The following DNA2 variants were observed in gnomAD, a reference collection of about 807,000 sequenced individuals.
The protein encoded by DNA2 is DNA replication helicase/nuclease 2.
In DNA2, 101 loss-of-function variants were observed where a neutral mutation model predicts 119.1. The ratio of observed to expected loss-of-function variants is 0.85; its 90% CI spans 0.72 to 1.00. The LOEUF is 1.00. Among genes scored for constraint, DNA2 ranks in the 50% least tolerant of loss-of-function variants. The pLI, the probability that DNA2 is intolerant of heterozygous loss-of-function variation, is 0.00. For missense variants in DNA2, 1,121 were observed against 1,255.5 expected, an observed-to-expected ratio of 0.89 and a Z score of 1.62; for synonymous variants, 366 against 424.4, an observed-to-expected ratio of 0.86 and a Z score of 1.69.
intron 3 of DNA2, among the ~76,000 whole-genome samples, chr10:68,467,876 G>A (rs1403164665): frequency 6.6e-6 from 1 of 151,944 alleles, no homozygotes; most frequent in Non-Finnish European, 1.5e-5. Flanking sequence ...ATTTTATTAA[G>A]CCCTGAACAA....
At chr10:68,421,824 T>TC (rs200750557) in intron 17 of DNA2, among the ~76,000 whole-genome samples, 10,572 of 145,604 alleles carry the variant, frequency 0.073, 542 homozygotes, top group African/African-American at 0.16. Flanking sequence ...GCCTTTTTTT[T>TC]TCCCCCCAAG....
intron 8 of DNA2, 102 bp downstream of exon 8, chr10:68,444,819 A>G: frequency 1.3e-6 from 1 of 750,840 alleles, no homozygotes; most frequent in Non-Finnish European, 2.1e-6. Flanking sequence ...AGGAAAAATA[A>G]CTAAAATGAT....
chr10:68,441,325 C>A (rs1408733711), intron 9 of DNA2, among the ~76,000 whole-genome samples: 2 of 138,666 alleles, frequency 1.4e-5, no homozygotes, highest in Non-Finnish European at 3.0e-5. Context: ...CAGAGTGTGA[C>A]CCTGTCTCTT....
In DNA2 at chr10:68,425,412, T is replaced by G. The variant is rs145036694; in HGVS notation, c.2209-2522A>C. 6.9e-3 allele frequency among the ~76,000 whole-genome samples: 1,037 copies of G among 150,976 alleles called. 15 individuals carry two copies. The highest frequency in any genetic ancestry group is 0.024 in the African/African-American group (986 of 41,158). On this transcript the variant is annotated intron_variant, in intron 14 of 20. Transcript: ENST00000358410. ...CCCGGCCATGTTTGTGTTCTTTTTT[T>G]TTTTTTGAGATGGAGTCTCGCTCTG...
chr10:68,470,064 T>G lies in DNA2; in HGVS notation c.174A>C (p.Lys58Asn). The G allele has an allele frequency of 6.2e-7, 1 of 1,613,926 alleles. No individual in the cohort carries two copies. Among genetic ancestry groups the G allele is most frequent in the Non-Finnish European group, 8.5e-7 (1 of 1,179,868 alleles). Residue 58 changes from lysine to asparagine, a missense_variant, in exon 2 of 21, where the codon AAA (lysine) becomes AAC (asparagine). Physicochemically the swap from Lys to Asn is moderately conservative, Grantham distance 94. Transcript: ENST00000358410. ...CCAGGCGCTTTTCACAGTTTCCCTC[T>G]TTGTTCTGTACAGTATTGACTGCCA... Reference protein sequence around the residue: ...LVLAVNTVQNKEGNCEKRLVI... With the variant: ...LVLAVNTVQNNEGNCEKRLVI...
At chr10:68,452,265 C>G (rs1045302750) in intron 5 of DNA2, among the ~76,000 whole-genome samples, 1 of 151,786 alleles carries the variant, frequency 6.6e-6, no homozygotes, top group Non-Finnish European at 1.5e-5. Flanking sequence ...TTCAAATTTG[C>G]AGAGACAGAG....
intron 10 of DNA2, 51 bp downstream of exon 10, chr10:68,436,960 G>A (rs2051896318): frequency 7.2e-7 from 1 of 1,385,980 alleles, no homozygotes; most frequent in Non-Finnish European, 1.0e-6. Flanking sequence ...CTACACAGAT[G>A]TGAATTATAT....
rs142183762 is a variant in DNA2, at chr10:68,456,775, T to C, written c.719+2329A>G. Among the ~76,000 whole-genome samples, 223 of 150,390 alleles carry C rather than the reference T, an allele frequency of 1.5e-3. 3 individuals are homozygous for C. Among genetic ancestry groups the C allele is most frequent in the African/African-American group, 4.9e-3 (198 of 40,750 alleles). Reference sequence around the variant, plus strand: ...AAATATTGAAAATATTGAGAGAACATTGAGAATATTAGTATACATGGAAGT... The same window carrying C: ...AAATATTGAAAATATTGAGAGAACACTGAGAATATTAGTATACATGGAAGT... On this transcript the variant is annotated intron_variant, in intron 5 of 20. Transcript: ENST00000358410.
Position 68,422,550 on chromosome 10 carries a change from A to G in DNA2, c.2457T>C (p.Ala819=). 1 of 1,614,048 alleles carries G rather than the reference A, an allele frequency of 6.2e-7. No homozygotes were observed. The highest frequency in any genetic ancestry group is 8.5e-7 in the Non-Finnish European group (1 of 1,179,890). ...LFKRLEQNKS[A]VVQLTVQYRM... is the part of the protein sequence containing the mutation. ...TGTACTGCACGGTTAACTGTACAACAGCACTCTTATTCTGCTCCAGCCTCT... is the reference window on the plus strand; with the variant it reads ...TGTACTGCACGGTTAACTGTACAACGGCACTCTTATTCTGCTCCAGCCTCT... The change falls in exon 16 of 21, where the codon GCT becomes GCC. Residue 819 remains alanine, a synonymous_variant. Coordinates refer to ENST00000358410, the MANE Select transcript of DNA2 (RefSeq NM_001080449.3).
intron 19 of DNA2, among the ~76,000 whole-genome samples, chr10:68,418,637 C>T (rs2051623629): frequency 6.6e-6 from 1 of 150,384 alleles, no homozygotes; most frequent in South Asian, 2.1e-4. Flanking sequence ...GTTCCCCTCT[C>T]TGTGTCCACA....
At chr10:68,472,233 T>G, upstream of DNA2, 17 of 1,190,728 alleles carry the variant, frequency 1.4e-5, no homozygotes, top group Non-Finnish European at 1.8e-5. Context: ...TAGCTGGGAC[T>G]ACAGGCGCCC....
intron 17 of DNA2, among the ~76,000 whole-genome samples, chr10:68,421,424 TA>T (rs1052845612): frequency 6.6e-6 from 1 of 151,954 alleles, no homozygotes; most frequent in African/African-American, 2.4e-5. Flanking sequence ...ACCTCCAGAA[TA>T]AACCTCCTCC....
intron 19 of DNA2, 123 bp downstream of exon 19, chr10:68,418,911 G>A: frequency 1.4e-6 from 1 of 735,166 alleles, no homozygotes; most frequent in Admixed American, 3.3e-5. Flanking sequence ...GACCTCAGGT[G>A]ATCCACCCGC....
intron 14 of DNA2, among the ~76,000 whole-genome samples, chr10:68,429,544 CAA>C (rs533902480): frequency 7.8e-5 from 8 of 102,360 alleles, no homozygotes; most frequent in East Asian, 2.9e-4. Context: ...AACTCCGTCT[CAA>C]AAAAAAAAAA....
intron 4 of DNA2, among the ~76,000 whole-genome samples, chr10:68,462,469 C>T (rs2052272562): frequency 6.6e-6 from 1 of 152,214 alleles, no homozygotes; most frequent in Non-Finnish European, 1.5e-5. Flanking sequence ...ATATAGCCCA[C>T]ATAAACAAAA....
chr10:68,470,319 G>C (rs946876995), intron 1 of DNA2, among the ~76,000 whole-genome samples, 156 bp from the exon 2 acceptor site: 1 of 152,154 alleles, frequency 6.6e-6, no homozygotes, highest in Non-Finnish European at 1.5e-5. Flanking sequence ...AAAATTAAGA[G>C]AGCAAAGACA....
At chr10:68,430,768 G>T in intron 13 of DNA2, 108 bp from the exon 14 acceptor site, 1 of 879,126 alleles carries the variant, frequency 1.1e-6, no homozygotes. Context: ...GCTGAGCCAA[G>T]TAAAAATTAT....
At chr10:68,426,275 C>T (rs1211833151) in intron 14 of DNA2, among the ~76,000 whole-genome samples, 3 of 151,682 alleles carry the variant, frequency 2.0e-5, no homozygotes, top group Non-Finnish European at 4.4e-5. Flanking sequence ...CAGTGGCTCA[C>T]GCCTGTAATC....
At position 68,419,835 on chromosome 10, in the gene DNA2, G is replaced by A. The variant is rs373870711; in HGVS notation, c.2755C>T (p.Leu919Phe). 1.1e-5 allele frequency: 18 copies of A among 1,613,720 alleles called. No individual in the cohort carries two copies. In the African/African-American group the frequency reaches 1.7e-4, roughly 16 times the overall value. ...GGVSNVTEAK[L>F]IVFLTSIFVK... ...AAAATGGAGGTTAGGAAAACTATGA[G>A]TTTGGCTTCTGTTACATTGCTCACA... is the stretch of plus-strand genomic sequence containing the variant. The change falls in exon 18 of 21, where the codon CTC becomes TTC. Residue 919 changes from leucine (L) to phenylalanine (F), a missense_variant. By Grantham distance (22) the Leu-to-Phe change is conservative. Transcript: ENST00000358410.
Sources: allele counts gnomAD v4.1 joint callset (sites outside exome capture counted in the v4.1 genomes callset), GRCh38; gene constraint gnomAD v4.1.1; transcripts MANE v1.5; gene names NCBI Gene and HGNC (gene_info 2026-07-23, HGNC 2026-07-21).